The following GRM3 variants were observed in gnomAD, a reference collection of about 807,000 sequenced individuals.
GRM3 encodes metabotropic glutamate receptor 3.
In GRM3, 26 loss-of-function variants were observed where a neutral mutation model predicts 70.5. That is an observed-to-expected ratio of 0.37 (90% CI 0.27 to 0.51). The LOEUF is 0.51. Ranked by LOEUF, GRM3 falls within the 20% of genes least tolerant of loss-of-function variation. The pLI is 0.93. For synonymous variants in GRM3, 443 were observed against 434.9 expected, an observed-to-expected ratio of 1.02 and a Z score of -0.23; for missense variants, 859 against 1,123.8, an observed-to-expected ratio of 0.76 and a Z score of 3.37.
intron 3 of GRM3, among the ~76,000 whole-genome samples, chr7:86,826,287 T>C (rs1218970752): frequency 6.6e-6 from 1 of 152,310 alleles, no homozygotes; most frequent in East Asian, 1.9e-4. Flanking sequence ...CACTTAACTC[T>C]CACTAATAAC....
At chr7:86,796,512 GTTTT>G (rs957019362) in intron 3 of GRM3, among the ~76,000 whole-genome samples, 6 of 151,810 alleles carry the variant, frequency 4.0e-5, no homozygotes, top group African/African-American at 1.4e-4. Context: ...TGCCACCTTT[GTTTT>G]TTTTGCTTAG....
At chr7:86,754,583 G>T (rs1584217002) in intron 1 of GRM3, among the ~76,000 whole-genome samples, 1 of 152,212 alleles carries the variant, frequency 6.6e-6, no homozygotes, top group East Asian at 1.9e-4. Flanking sequence ...GTATAAATGG[G>T]ATAAAAGTTA....
At chr7:86,828,825 G>C (rs1329241468) in intron 3 of GRM3, among the ~76,000 whole-genome samples, 1 of 152,204 alleles carries the variant, frequency 6.6e-6, no homozygotes, top group Non-Finnish European at 1.5e-5. Flanking sequence ...GTGTGATGCT[G>C]TTTGACAGCA....
At chr7:86,696,094 T>C (rs1432796746) in intron 1 of GRM3, among the ~76,000 whole-genome samples, 1 of 152,200 alleles carries the variant, frequency 6.6e-6, no homozygotes, top group Non-Finnish European at 1.5e-5. Flanking sequence ...TTCTATTGCT[T>C]TCTAAACATG....
At position 86,788,871 on chromosome 7, in the gene GRM3, G is replaced by A. The variant is rs554836649; in HGVS notation, c.1324+1755G>A. ...ATTCTAGTTCCTTTCTTACTTTTTA[G>A]TATGCAAATATACAAATATATTCAC... On this transcript the variant is annotated intron_variant, in intron 3 of 5. Transcript: ENST00000361669. 2.3e-3 allele frequency among the ~76,000 whole-genome samples: 343 copies of A among 152,128 alleles called. 1 individual carries two copies. Among genetic ancestry groups the A allele is most frequent in the African/African-American group, 7.8e-3 (322 of 41,518 alleles).
chr7:86,781,822 A>G (rs1214080841), intron 2 of GRM3, among the ~76,000 whole-genome samples: 1 of 152,144 alleles, frequency 6.6e-6, no homozygotes, highest in Non-Finnish European at 1.5e-5. Flanking sequence ...GACTTATATA[A>G]AGACTTGGAA....
intron 1 of GRM3, among the ~76,000 whole-genome samples, chr7:86,674,897 G>C (rs1482326092): frequency 6.6e-6 from 1 of 151,992 alleles, no homozygotes; most frequent in Non-Finnish European, 1.5e-5. Flanking sequence ...CATCTATTAA[G>C]TCCCAATGCA....
chr7:86,733,684 G>A (rs947141400), intron 1 of GRM3, among the ~76,000 whole-genome samples: 3 of 152,162 alleles, frequency 2.0e-5, no homozygotes, highest in Non-Finnish European at 2.9e-5. Flanking sequence ...CAGATCTGGG[G>A]GGAGTTGGTG....
chr7:86,830,538 G>A (rs1562877001), intron 3 of GRM3, among the ~76,000 whole-genome samples: 1 of 152,096 alleles, frequency 6.6e-6, no homozygotes, highest in East Asian at 1.9e-4. Context: ...ACAAAAGAAT[G>A]GATAAATTGT....
At chr7:86,772,809 T>C (rs545177823) in intron 2 of GRM3, among the ~76,000 whole-genome samples, 37 of 152,174 alleles carry the variant, frequency 2.4e-4, no homozygotes, top group Middle Eastern at 3.4e-3. Context: ...AAAATGATAG[T>C]TGCATTTAGG....
chr7:86,753,170 G>A (rs1027093190), intron 1 of GRM3, among the ~76,000 whole-genome samples: 3 of 151,954 alleles, frequency 2.0e-5, no homozygotes, highest in African/African-American at 7.2e-5. Flanking sequence ...GGGATCATTT[G>A]GAGAGTCCAG....
rs75069295 is a variant in GRM3 at position 86,701,122 on chromosome 7, A to T, written c.-141+56250A>T. 9.0e-3 allele frequency among the ~76,000 whole-genome samples: 1,371 copies of T among 152,004 alleles called. 16 individuals are homozygous for T. Among genetic ancestry groups the T allele is most frequent in the African/African-American group, 0.031 (1,306 of 41,526 alleles). ...TCCATTAGTACTTTTTTTTAATAAC[A>T]ATAACCTTTAGCCTAATAAGAAACT... On this transcript the variant is annotated intron_variant, in intron 1 of 5. Coordinates refer to ENST00000361669, the MANE Select transcript of GRM3 (RefSeq NM_000840.3).
Position 86,786,149 on chromosome 7 carries a change from T to C in GRM3, c.469-112T>C. The C allele has an allele frequency of 2.3e-6, 2 of 876,490 alleles. No homozygotes were observed. Among genetic ancestry groups the C allele is most frequent in the Non-Finnish European group, 3.6e-6 (2 of 557,830 alleles). The allele number at this position is 876,490 out of a possible 1,614,324, so 54.3% of individuals were successfully genotyped here. ...GAACTAACAGAAAAATGTAGCCATC[T>C]AGAGTAGAGGGAAAAGGGAGTCAGT... On this transcript the variant is annotated intron_variant, in intron 2 of 5. Coordinates refer to ENST00000361669, the MANE Select transcript of GRM3 (RefSeq NM_000840.3). The surrounding 1 kb of genome is among the most constrained non-coding windows in gnomAD (Gnocchi z 6.0).
chr7:86,862,346 G>A (rs1798976755), intron 5 of GRM3, among the ~76,000 whole-genome samples: 1 of 152,034 alleles, frequency 6.6e-6, no homozygotes, highest in African/African-American at 2.4e-5. Context: ...GATGAAGCTG[G>A]AATTAGGTAC....
chr7:86,862,844 A>G (rs999127237), intron 5 of GRM3, among the ~76,000 whole-genome samples: 1 of 152,210 alleles, frequency 6.6e-6, no homozygotes, highest in South Asian at 2.1e-4. Flanking sequence ...AAGGAAATTA[A>G]TAGGAATTTT....
At chr7:86,645,983 G>T (rs1222951605) in intron 1 of GRM3, among the ~76,000 whole-genome samples, 2 of 23,834 alleles carry the variant, frequency 8.4e-5, no homozygotes, top group Non-Finnish European at 1.6e-4. Flanking sequence ...TTTGTGGTGG[G>T]CGGGGGGGTG....
At chr7:86,844,055 T>G (rs968621641) in intron 4 of GRM3, among the ~76,000 whole-genome samples, 1 of 152,112 alleles carries the variant, frequency 6.6e-6, no homozygotes, top group Non-Finnish European at 1.5e-5. Context: ...AGACTCTAGA[T>G]TCTTTTGGGG....
intron 3 of GRM3, among the ~76,000 whole-genome samples, chr7:86,810,836 C>T (rs1337140142): frequency 1.3e-5 from 2 of 151,958 alleles, no homozygotes; most frequent in African/African-American, 4.8e-5. Context: ...TTAAAACACT[C>T]ATTTGTGATA....
intron 2 of GRM3, among the ~76,000 whole-genome samples, chr7:86,771,144 G>A (rs1796729071): frequency 6.6e-6 from 1 of 152,068 alleles, no homozygotes; most frequent in Admixed American, 6.6e-5. Context: ...TGAGTTCTCT[G>A]TTTCTGGAGT....
Sources: gnomAD v4.1 joint callset for allele counts (sites outside exome capture counted in the v4.1 genomes callset) on GRCh38, gnomAD v4.1.1 for gene constraint, Gnocchi (gnomAD v3.1) non-coding constraint, MANE v1.5 for transcripts, NCBI Gene and HGNC (gene_info 2026-07-23, HGNC 2026-07-21) for gene names.